TTYH1: variants seen among roughly 807,000 people sequenced by gnomAD.
TTYH1 encodes the protein tweety family member 1, also known as protein tweety homolog 1.
TTYH1 carries 33 observed loss-of-function variants against 61.2 expected under a neutral mutation model. The ratio of observed to expected loss-of-function variants is 0.54; its 90% CI spans 0.41 to 0.72. The LOEUF is 0.72. Ranked by LOEUF, TTYH1 falls within the 30% of genes least tolerant of loss-of-function variation. TTYH1 has a pLI of 0.00. For missense variants in TTYH1, 538 were observed against 575.8 expected (o/e 0.93, Z 0.67); for synonymous variants, 308 against 266.4 (o/e 1.16, Z -1.52).
In TTYH1 at chr19:54,420,283, G is replaced by C. The variant is rs1204876781; in HGVS notation, c.305+977G>C. 3.3e-5 allele frequency among the ~76,000 whole-genome samples: 5 copies of C among 152,214 alleles called. No individual in the cohort carries two copies. Among genetic ancestry groups the C allele is most frequent in the Non-Finnish European group, 2.9e-5 (2 of 68,038 alleles). On this transcript the variant is annotated intron_variant, in intron 2 of 13. Coordinates refer to ENST00000376530, the MANE Select transcript of TTYH1 (RefSeq NM_020659.4). This position sits in a 1 kb window ranked among gnomAD's most constrained non-coding sequence, Gnocchi z 4.8. ...CCCGGACCCACAGCGGGCAAGGGGA[G>C]GGACCTGTAGGGGTGGCCTGTATTC... is the stretch of plus-strand genomic sequence containing the variant.
chr19:54,425,092 A>G (rs1173700031), intron 4 of TTYH1, among the ~76,000 whole-genome samples: 1 of 152,236 alleles, frequency 6.6e-6, no homozygotes, highest in African/African-American at 2.4e-5. Flanking sequence ...ACCAGTGTTC[A>G]GCTCGATCAG....
At chr19:54,431,544 C>A (rs1211670279) in intron 10 of TTYH1, 2 of 321,848 alleles carry the variant, frequency 6.2e-6, no homozygotes, top group Non-Finnish European at 1.2e-5. Flanking sequence ...CTAGAGGCTG[C>A]CGCTTAGTGA....
chr19:54,426,016 A>G (rs560319245), intron 4 of TTYH1, among the ~76,000 whole-genome samples: 3 of 152,196 alleles, frequency 2.0e-5, no homozygotes, highest in South Asian at 4.2e-4. Context: ...TCGCCCGGCC[A>G]AGTATTAACT....
intron 10 of TTYH1, chr19:54,431,853 G>A (rs934332626): frequency 6.6e-6 from 1 of 152,162 alleles, no homozygotes; most frequent in African/African-American, 2.4e-5. Context: ...CCGTGAGGAA[G>A]GACGAGTTTT....
Position 54,435,846 on chromosome 19 carries a change from A to G in TTYH1, c.1287A>G (p.Thr429=). The stretch of plus-strand genomic sequence containing the variant: ...ACCCCAGTGACGACTACGATGACAC[A>G]GACGATGACGACCCTTTCAACCCTC... ...LFPPSDDYDD[T]DDDDPFNPQE... is the part of the protein sequence containing the mutation. Residue 429 remains threonine (T), a synonymous_variant, in exon 12 of 14, where the codon ACA becomes ACG. Coordinates refer to ENST00000376530, the MANE Select transcript of TTYH1 (RefSeq NM_020659.4). The G allele has an allele frequency of 6.2e-7, 1 of 1,613,240 alleles. No individual in the cohort carries two copies. Among genetic ancestry groups the G allele is most frequent in the Non-Finnish European group, 8.5e-7 (1 of 1,179,980 alleles).
Position 54,416,194 on chromosome 19 carries a change from G to A in TTYH1, c.126+516G>A, listed in dbSNP as rs1010363568. ...TGAAATGGGGAAGGGGGCTTCAGGG[G>A]CTGAGGACCAGGGCTGGAAAATGAA... is the stretch of plus-strand genomic sequence containing the variant. On this transcript the variant is annotated intron_variant, in intron 1 of 13. Coordinates refer to ENST00000376530, the MANE Select transcript of TTYH1 (RefSeq NM_020659.4). This position sits in a 1 kb window ranked among gnomAD's most constrained non-coding sequence, Gnocchi z 7.0. 1 of 650,792 alleles carries A rather than the reference G, an allele frequency of 1.5e-6. No homozygotes were observed. Among genetic ancestry groups the A allele is most frequent in the Non-Finnish European group, 2.5e-6 (1 of 405,142 alleles). The allele number at this position is 650,792 out of a possible 1,614,324, so 40.3% of individuals were successfully genotyped here.
At position 54,420,204 on chromosome 19, in the gene TTYH1, G is replaced by T. The variant is rs34537286; in HGVS notation, c.305+898G>T. On this transcript the variant is annotated intron_variant, in intron 2 of 13. Coordinates refer to ENST00000376530, the MANE Select transcript of TTYH1 (RefSeq NM_020659.4). The surrounding 1 kb of genome is among the most constrained non-coding windows in gnomAD (Gnocchi z 4.8). Reference sequence around the variant, plus strand: ...CCCGGCAGGGCAGCACCCACAGGTTGCAGACAGCAATCCTCTTCCACAGAC... The same window carrying T: ...CCCGGCAGGGCAGCACCCACAGGTTTCAGACAGCAATCCTCTTCCACAGAC... 6.6e-6 allele frequency among the ~76,000 whole-genome samples: 1 copy of T among 151,992 alleles called. No individual in the cohort carries two copies. The highest frequency in any genetic ancestry group is 2.4e-5 in the African/African-American group (1 of 41,360).
intron 9 of TTYH1, 92 bp from the exon 10 acceptor site, chr19:54,431,007 G>A: frequency 3.3e-6 from 5 of 1,520,436 alleles, no homozygotes; most frequent in Non-Finnish European, 4.5e-6. Flanking sequence ...GCTAGGCGGG[G>A]CCTTGGGTTG....
At position 54,419,475 on chromosome 19, in the gene TTYH1, G is replaced by A; in HGVS notation, c.305+169G>A. 2 of 765,808 alleles carry A rather than the reference G, an allele frequency of 2.6e-6. No homozygotes were observed. Among genetic ancestry groups the A allele is most frequent in the East Asian group, 2.7e-5 (1 of 37,546 alleles). 47.4% of individuals were successfully genotyped at this position (765,808 alleles called of 1,614,324 possible). A position where few individuals can be genotyped will look rare whatever the true frequency, so the allele number is the denominator to read the frequency against. ...GCCCACTTCAGCGCACAGCAGGAAG[G>A]ACTGTCCCATTTGATGGATGGAGAA... On this transcript the variant is annotated intron_variant, in intron 2 of 13. Transcript: ENST00000376530. This position sits in a 1 kb window ranked among gnomAD's most constrained non-coding sequence, Gnocchi z 6.1.
At position 54,419,451 on chromosome 19, in the gene TTYH1, C is replaced by A. The variant is rs1210313870; in HGVS notation, c.305+145C>A. On this transcript the variant is annotated intron_variant, in intron 2 of 13. Coordinates refer to ENST00000376530, the MANE Select transcript of TTYH1 (RefSeq NM_020659.4). This position sits in a 1 kb window ranked among gnomAD's most constrained non-coding sequence, Gnocchi z 6.1. ...CGTCCCTGTCCCTGCCATTTGCAAG[C>A]CCACTTCAGCGCACAGCAGGAAGGA... 1 of 850,620 alleles carries A rather than the reference C, an allele frequency of 1.2e-6. No individual in the cohort carries two copies. Among genetic ancestry groups the A allele is most frequent in the South Asian group, 1.4e-5 (1 of 69,754 alleles). 52.7% of individuals were successfully genotyped at this position (850,620 alleles called of 1,614,324 possible).
At chr19:54,423,978 C>G (rs200611339) in intron 4 of TTYH1, among the ~76,000 whole-genome samples, 1 of 151,940 alleles carries the variant, frequency 6.6e-6, no homozygotes, top group Non-Finnish European at 1.5e-5. Flanking sequence ...CTGGCTAACA[C>G]GGTGAAATCC....
rs1487622721 is a variant in TTYH1, at chr19:54,415,728, C to A, written c.126+50C>A. 6.8e-7 allele frequency: 1 copy of A among 1,466,688 alleles called. No individual in the cohort carries two copies. The allele number at this position is 1,466,688 out of a possible 1,614,324, so 90.9% of individuals were successfully genotyped here. A position where few individuals can be genotyped will look rare whatever the true frequency, so the allele number is the denominator to read the frequency against. ...GGGCCAGGGCTGGGGGCCGGAGCTCCTGGGTCCCGAGGGAGAAGGGGGCTG... is the reference window on the plus strand; with the variant it reads ...GGGCCAGGGCTGGGGGCCGGAGCTCATGGGTCCCGAGGGAGAAGGGGGCTG... On this transcript the variant is annotated intron_variant, in intron 1 of 13. Coordinates refer to ENST00000376530, the MANE Select transcript of TTYH1 (RefSeq NM_020659.4). This position sits in a 1 kb window ranked among gnomAD's most constrained non-coding sequence, Gnocchi z 5.2.
Position 54,429,034 on chromosome 19 carries a change from G to A in TTYH1, c.735-273G>A, listed in dbSNP as rs1339068339. Among the ~76,000 whole-genome samples, 1 of 152,102 alleles carries A rather than the reference G, an allele frequency of 6.6e-6. No homozygotes were observed. The highest frequency in any genetic ancestry group is 1.5e-5 in the Non-Finnish European group (1 of 68,010). ...AGAGGTGAGCAGTCACCGTCCCAGGGTCCTGGAGCTGGGATCCAAGCTGCG... is the reference window on the plus strand; with the variant it reads ...AGAGGTGAGCAGTCACCGTCCCAGGATCCTGGAGCTGGGATCCAAGCTGCG... On this transcript the variant is annotated intron_variant, in intron 5 of 13. Transcript: ENST00000376530. This position sits in a 1 kb window ranked among gnomAD's most constrained non-coding sequence, Gnocchi z 5.1.
rs899409140 is a variant in TTYH1, at chr19:54,420,172, C to G, written c.305+866C>G. 2.8e-4 allele frequency among the ~76,000 whole-genome samples: 42 copies of G among 152,304 alleles called. No homozygotes were observed. The highest frequency in any genetic ancestry group is 7.4e-5 in the Non-Finnish European group (5 of 68,022). ...TACCAAGAACGAGCTCTGAGCACAG[C>G]CCCCTCCCCGGCAGGGCAGCACCCA... is the stretch of plus-strand genomic sequence containing the variant. On this transcript the variant is annotated intron_variant, in intron 2 of 13. Coordinates refer to ENST00000376530, the MANE Select transcript of TTYH1 (RefSeq NM_020659.4). This position sits in a 1 kb window ranked among gnomAD's most constrained non-coding sequence, Gnocchi z 4.8.
At chr19:54,432,869 C>A (rs1306091456) in intron 10 of TTYH1, 1 of 152,248 alleles carries the variant, frequency 6.6e-6, no homozygotes, top group Non-Finnish European at 1.5e-5. Flanking sequence ...TACGCCATCG[C>A]ATGGATCTGA....
In TTYH1 at chr19:54,421,360, A is replaced by C. The variant is rs1307671217; in HGVS notation, c.389A>C (p.Asn130Thr). 1 of 1,613,738 alleles carries C rather than the reference A, an allele frequency of 6.2e-7. No individual in the cohort carries two copies. The highest frequency in any genetic ancestry group is 8.5e-7 in the Non-Finnish European group (1 of 1,179,752). ...CTCAGCTCTGCGCTGCTGCACGCCA[A>C]CCACACACTCAGCACCATTGACCAC... ...SQLSSALLHANHTLSTIDHLV... is the reference protein window; with the variant it reads ...SQLSSALLHATHTLSTIDHLV... The change falls in exon 3 of 14, where the codon AAC becomes ACC. Residue 130 changes from asparagine to threonine, a missense_variant. Around this residue, in one of 3 missense-constraint regions of TTYH1, gnomAD observed 378 missense variants for 401.2 expected, o/e 0.94. Transcript: ENST00000376530. This position sits in a 1 kb window ranked among gnomAD's most constrained non-coding sequence, Gnocchi z 4.8.
chr19:54,423,403 A>G (rs1365721911), intron 4 of TTYH1, among the ~76,000 whole-genome samples: 1 of 151,984 alleles, frequency 6.6e-6, no homozygotes, highest in Non-Finnish European at 1.5e-5. Flanking sequence ...TCACCATGTT[A>G]GCCAGGCTGG....
In TTYH1 at chr19:54,430,320, A is replaced by T. The variant is rs566695910; in HGVS notation, c.884-230A>T. ...CCCCTGGAGAAAACTGGGGAGCACCATTTAGTCAGGGGTTCCCAGGGAGTA... is the reference window on the plus strand; with the variant it reads ...CCCCTGGAGAAAACTGGGGAGCACCTTTTAGTCAGGGGTTCCCAGGGAGTA... On this transcript the variant is annotated intron_variant, in intron 7 of 13. Coordinates refer to ENST00000376530, the MANE Select transcript of TTYH1 (RefSeq NM_020659.4). Among the ~76,000 whole-genome samples, 46 of 152,238 alleles carry T rather than the reference A, an allele frequency of 3.0e-4. 1 individual carries two copies. Among genetic ancestry groups the T allele is most frequent in the Admixed American group, 8.5e-4 (13 of 15,298 alleles).
In TTYH1 at chr19:54,436,528, C is replaced by T. The variant is rs2083556319; in HGVS notation, c.*238C>T. On this transcript the variant is annotated 3_prime_UTR_variant, in exon 14 of 14. Coordinates refer to ENST00000376530, the MANE Select transcript of TTYH1 (RefSeq NM_020659.4). The surrounding 1 kb of genome is among the most constrained non-coding windows in gnomAD (Gnocchi z 4.3). ...TAGGGCTGGCAGGGGAGGGGGCAGA[C>T]AGCCTCGCCTCGCACCCTTCATCCC... 1 of 776,220 alleles carries T rather than the reference C, an allele frequency of 1.3e-6. No homozygotes were observed. The highest frequency in any genetic ancestry group is 1.7e-5 in the African/African-American group (1 of 58,710). The allele number at this position is 776,220 out of a possible 1,614,324, so 48.1% of individuals were successfully genotyped here. A position where few individuals can be genotyped will look rare whatever the true frequency, so the allele number is the denominator to read the frequency against.
Sources: allele counts gnomAD v4.1 joint callset (sites outside exome capture counted in the v4.1 genomes callset), GRCh38; gene constraint gnomAD v4.1.1; regional missense constraint gnomAD v4.1.1; non-coding constraint Gnocchi (gnomAD v3.1); transcripts MANE v1.5; gene names NCBI Gene and HGNC (gene_info 2026-07-23, HGNC 2026-07-21).